ABCC12: variants seen among roughly 807,000 people sequenced by gnomAD.
The protein encoded by ABCC12 is ATP-binding cassette sub-family C member 12.
Under a neutral mutation model 151.1 loss-of-function variants are expected in ABCC12, and 142 were observed. The ratio of observed to expected loss-of-function variants is 0.94; its 90% CI spans 0.82 to 1.08. ABCC12 has a LOEUF of 1.08. ABCC12 is among the 50% of genes least tolerant of loss of function. ABCC12 has a pLI of 0.00. For missense variants in ABCC12, 1,638 were observed against 1,691.1 expected, an observed-to-expected ratio of 0.97 and a Z score of 0.55; for synonymous variants, 645 against 646.4, an observed-to-expected ratio of 1.00 and a Z score of 0.03.
chr16:48,121,511 T>C (rs553938158), intron 13 of ABCC12: 2 of 564,316 alleles, frequency 3.5e-6, no homozygotes, highest in Non-Finnish European at 6.1e-6. Context: ...CTTCCCAGTG[T>C]GCAGTCGCAG....
rs551289313 is a variant in ABCC12 at position 48,124,286 on chromosome 16, T to A, written c.1516-2A>T. The A allele has an allele frequency of 5.0e-6, 8 of 1,614,060 alleles. No individual in the cohort carries two copies. The highest frequency in any genetic ancestry group is 5.9e-6 in the Non-Finnish European group (7 of 1,179,900). On this transcript the variant is annotated splice_acceptor_variant, in intron 11 of 30. Transcript: ENST00000311303. LOFTEE classifies it high-confidence loss of function. ...CCCACATATTCCCAAGATCTTCCCC[T>A]GCCAGAGAAACAGAGATGGGACACA... is the stretch of plus-strand genomic sequence containing the variant.
At position 48,091,182 on chromosome 16, in the gene ABCC12, G is replaced by A. The variant is rs1962873334; in HGVS notation, c.3223C>T (p.Arg1075Ter). Residue 1075 changes from arginine to a stop codon, truncating the protein, a stop_gained, in exon 25 of 31, where the codon CGA (arginine) becomes TGA (stop). Coordinates refer to ENST00000311303, the MANE Select transcript of ABCC12 (RefSeq NM_001393797.1). LOFTEE classifies it high-confidence loss of function. ...QLSGLLQVCV[R>*]TGTETQAKFT... ...TTGGCTTGCGTCTCTGTTCCCGTTC[G>A]CACACACACTTGGAGCAGTCCGCTC... is the stretch of plus-strand genomic sequence containing the variant. The A allele has an allele frequency of 2.5e-6, 4 of 1,614,058 alleles. No homozygotes were observed. The highest frequency in any genetic ancestry group is 3.4e-6 in the Non-Finnish European group (4 of 1,179,978).
At chr16:48,110,660 T>A (rs1461598497) in intron 18 of ABCC12, among the ~76,000 whole-genome samples, 3 of 151,990 alleles carry the variant, frequency 2.0e-5, no homozygotes. Flanking sequence ...ACCCTCAACC[T>A]CAAGCCCTCT....
Position 48,133,684 on chromosome 16 carries a change from T to A in ABCC12, c.1128+3A>T. The A allele has an allele frequency of 6.2e-7, 1 of 1,613,826 alleles. No individual in the cohort carries two copies. Among genetic ancestry groups the A allele is most frequent in the South Asian group, 1.1e-5 (1 of 91,016 alleles). ...AGAGCCTCGATCTGGAGCCAGCTCTTACCACGGGTGCGGTGAGTTTGCGTC... is the reference window on the plus strand; with the variant it reads ...AGAGCCTCGATCTGGAGCCAGCTCTAACCACGGGTGCGGTGAGTTTGCGTC... On this transcript the variant is annotated splice_donor_region_variant and intron_variant, in intron 9 of 30. Transcript: ENST00000311303.
chr16:48,107,543 C>A (rs898596458), intron 19 of ABCC12, 118 bp from the exon 20 acceptor site: 3 of 790,226 alleles, frequency 3.8e-6, no homozygotes, highest in African/African-American at 1.7e-5. Context: ...AGGACTCCCA[C>A]GCCTGGAAAC....
chr16:48,130,940 C>A (rs767730989), intron 9 of ABCC12, 45 bp from the exon 10 acceptor site: 3 of 1,416,512 alleles, frequency 2.1e-6, no homozygotes, highest in Non-Finnish European at 3.0e-6. Context: ...GGAGAAGTCA[C>A]GTTGGCTCTA....
chr16:48,084,827 G>A (rs1411795832), intron 29 of ABCC12, among the ~76,000 whole-genome samples: 1 of 152,116 alleles, frequency 6.6e-6, no homozygotes, highest in African/African-American at 2.4e-5. Flanking sequence ...TTGGGGAGGT[G>A]GGGGTATTAT....
chr16:48,143,047 G>A (rs1172745239), intron 4 of ABCC12, among the ~76,000 whole-genome samples: 1 of 152,016 alleles, frequency 6.6e-6, no homozygotes, highest in Admixed American at 6.6e-5. Context: ...GAATTAGGTT[G>A]GACAAATGAC....
At chr16:48,144,165 A>C in intron 3 of ABCC12, 100 bp from the exon 4 acceptor site, 1 of 1,385,536 alleles carries the variant, frequency 7.2e-7, no homozygotes, top group Non-Finnish European at 9.8e-7. Context: ...CCACAGCTGC[A>C]CTCAGAATCT....
chr16:48,084,022 G>C lies in ABCC12; in HGVS notation c.3880C>G (p.Leu1294Val). 6.2e-7 allele frequency: 1 copy of C among 1,612,810 alleles called. No homozygotes were observed. Among genetic ancestry groups the C allele is most frequent in the Non-Finnish European group, 8.5e-7 (1 of 1,179,742 alleles). Reference protein sequence around the residue: ...TASMDSKTDTLVQNTIKDAFK... With the variant: ...TASMDSKTDTVVQNTIKDAFK... ...GCATCTTTGATGGTGTTCTGAACCAGGGTGTCAGTCTTGGAGTCCATAGAG... is the reference window on the plus strand; with the variant it reads ...GCATCTTTGATGGTGTTCTGAACCACGGTGTCAGTCTTGGAGTCCATAGAG... The change falls in exon 30 of 31, where the codon CTG becomes GTG. Residue 1294 changes from leucine (L) to valine (V), a missense_variant. Coordinates refer to ENST00000311303, the MANE Select transcript of ABCC12 (RefSeq NM_001393797.1).
chr16:48,138,107 G>A lies in ABCC12; in HGVS notation c.979+121C>T, dbSNP rs185913564. On this transcript the variant is annotated intron_variant, in intron 8 of 30. Transcript: ENST00000311303. Reference sequence around the variant, plus strand: ...TTTGAAAAATTCTTTGACCTGCAGAGCAGCTCAGAGGGTCCCCTCAGCCTC... The same window carrying A: ...TTTGAAAAATTCTTTGACCTGCAGAACAGCTCAGAGGGTCCCCTCAGCCTC... 196 of 1,073,922 alleles carry A rather than the reference G, an allele frequency of 1.8e-4. 1 individual carries two copies. In the African/African-American group the frequency reaches 2.9e-3, roughly 16 times the overall value. 66.5% of individuals were successfully genotyped at this position (1,073,922 alleles called of 1,614,324 possible). A position where few individuals can be genotyped will look rare whatever the true frequency, so the allele number is the denominator to read the frequency against.
chr16:48,081,472 T>C lies in ABCC12; in HGVS notation c.*2243A>G, dbSNP rs997948019. 1.3e-5 allele frequency among the ~76,000 whole-genome samples: 2 copies of C among 152,122 alleles called. No individual in the cohort carries two copies. The highest frequency in any genetic ancestry group is 2.4e-5 in the African/African-American group (1 of 41,412). On this transcript the variant is annotated 3_prime_UTR_variant, in exon 31 of 31. Transcript: ENST00000311303. ...AGGGGAAAGGACTGGAGGGGCTTTG[T>C]TGTGAAGGGGTTGGGAGCAGGGCCT...
chr16:48,089,724 G>T (rs1962798029), intron 25 of ABCC12, among the ~76,000 whole-genome samples: 1 of 152,170 alleles, frequency 6.6e-6, no homozygotes, highest in Non-Finnish European at 1.5e-5. Context: ...TTAGAGAAAT[G>T]AAACTGTAAC....
intron 11 of ABCC12, among the ~76,000 whole-genome samples, chr16:48,125,083 A>G (rs1232663516): frequency 2.0e-5 from 3 of 152,220 alleles, no homozygotes; most frequent in Non-Finnish European, 4.4e-5. Context: ...GTTTTCCCAG[A>G]AACAGACCTT....
At position 48,087,746 on chromosome 16, in the gene ABCC12, C is replaced by T. The variant is rs539237761; in HGVS notation, c.3635+180G>A. ...GTAATGCTCAGACCCCGGGCCCTGG[C>T]TCCTCCCAAGGCTGGATGCAGAAAC... On this transcript the variant is annotated intron_variant, in intron 27 of 30. Coordinates refer to ENST00000311303, the MANE Select transcript of ABCC12 (RefSeq NM_001393797.1). 1.9e-3 allele frequency: 1,100 copies of T among 593,152 alleles called. 4 individuals are homozygous for T. Among genetic ancestry groups the T allele is most frequent in the South Asian group, 3.4e-3 (117 of 34,430 alleles). The allele number at this position is 593,152 out of a possible 1,614,324, so 36.7% of individuals were successfully genotyped here. A position where few individuals can be genotyped will look rare whatever the true frequency, so the allele number is the denominator to read the frequency against.
chr16:48,139,353 A>G lies in ABCC12; in HGVS notation c.658-17T>C. On this transcript the variant is annotated splice_polypyrimidine_tract_variant and intron_variant, in intron 6 of 30. Coordinates refer to ENST00000311303, the MANE Select transcript of ABCC12 (RefSeq NM_001393797.1). Reference sequence around the variant, plus strand: ...ATTGAGCACCTGGAAAGAAAAGCGCAAAGGTTCAGGCTTTGGAAGAGTCAG... The same window carrying G: ...ATTGAGCACCTGGAAAGAAAAGCGCGAAGGTTCAGGCTTTGGAAGAGTCAG... 6.3e-7 allele frequency: 1 copy of G among 1,592,934 alleles called. No individual in the cohort carries two copies. The highest frequency in any genetic ancestry group is 2.2e-5 in the East Asian group (1 of 44,728).
Position 48,111,605 on chromosome 16 carries a change from CA to C in ABCC12, c.2181del (p.Glu728ArgfsTer8). 1.2e-6 allele frequency: 2 copies of C among 1,614,194 alleles called. No individual in the cohort carries two copies. Among genetic ancestry groups the C allele is most frequent in the South Asian group, 2.2e-5 (2 of 91,086 alleles). ...ATTATACCAGCATCTTCCTCTCTCT[CA>C]GCAGGGCTCTCCTTGAAGGCTTCCA... is the stretch of plus-strand genomic sequence containing the variant. ...AMVEAFKESPAEREEDAGIIV... is the reference protein window; with the variant it reads ...AMVEAFKESPXEREEDAGIIV... On this transcript the variant is annotated frameshift_variant, in exon 17 of 31. Coordinates refer to ENST00000311303, the MANE Select transcript of ABCC12 (RefSeq NM_001393797.1). LOFTEE classifies it high-confidence loss of function.
rs61080373 is a variant in ABCC12 at position 48,083,505 on chromosome 16, G to A, written c.*210C>T. ...TAATCCATTAGCTGGGTCTGCCCCG[G>A]TTCACCACCCAGAACCAACCCCAAG... is the stretch of plus-strand genomic sequence containing the variant. On this transcript the variant is annotated 3_prime_UTR_variant, in exon 31 of 31. Coordinates refer to ENST00000311303, the MANE Select transcript of ABCC12 (RefSeq NM_001393797.1). 4,975 of 577,688 alleles carry A rather than the reference G, an allele frequency of 8.6e-3. 202 individuals are homozygous for A. The African/African-American group carries it at 0.087, about 10-fold the overall frequency. The allele number at this position is 577,688 out of a possible 1,614,324, so 35.8% of individuals were successfully genotyped here.
intron 10 of ABCC12, 57 bp from the exon 11 acceptor site, chr16:48,128,794 C>T (rs908760528): frequency 6.4e-7 from 1 of 1,561,672 alleles, no homozygotes; most frequent in African/African-American, 1.4e-5. Context: ...CAAGAATCAT[C>T]CCAATGTATC....
Sources: allele counts gnomAD v4.1 joint callset (sites outside exome capture counted in the v4.1 genomes callset), GRCh38; gene constraint gnomAD v4.1.1; transcripts MANE v1.5; gene names NCBI Gene and HGNC (gene_info 2026-07-23, HGNC 2026-07-21).